The following EXD2 variants were observed in gnomAD, a reference collection of about 807,000 sequenced individuals.
The protein encoded by EXD2 is exonuclease 3'-5' domain-containing protein 2.
EXD2 carries 40 observed loss-of-function variants against 62.5 expected under a neutral mutation model. The ratio of observed to expected loss-of-function variants is 0.64; its 90% CI spans 0.50 to 0.83. The LOEUF is 0.83. Among genes scored for constraint, EXD2 ranks in the 40% least tolerant of loss-of-function variants. The pLI is 0.00. For missense variants in EXD2, 671 were observed against 761.8 expected (o/e 0.88, Z 1.40); for synonymous variants, 239 against 291.9 (o/e 0.82, Z 1.85).
chr14:69,201,242 G>A (rs1236271264), intron 1 of EXD2, among the ~76,000 whole-genome samples: 2 of 151,664 alleles, frequency 1.3e-5, no homozygotes, highest in Non-Finnish European at 2.9e-5. Flanking sequence ...AGGCTGGAGT[G>A]CAGTGTTATG....
In EXD2 at chr14:69,209,748, C is replaced by T; in HGVS notation, c.278C>T (p.Pro93Leu). Residue 93 changes from proline to leucine, a missense_variant, in exon 3 of 10, where the codon CCC becomes CTC. Pro to Leu is a moderately conservative substitution (Grantham distance 98, BLOSUM62 -3). Coordinates refer to ENST00000685843, the MANE Select transcript of EXD2 (RefSeq NM_001193360.2). ...GAGGCAGAGTGGGATCAAATCGAGC[C>T]CTTGCTTAGAAGTGAATTAGAAGAT... is the stretch of plus-strand genomic sequence containing the variant. ...SQEAEWDQIE[P>L]LLRSELEDFP... is the part of the protein sequence containing the mutation. 6.5e-7 allele frequency: 1 copy of T among 1,546,902 alleles called. No individual in the cohort carries two copies. Among genetic ancestry groups the T allele is most frequent in the Non-Finnish European group, 8.7e-7 (1 of 1,145,660 alleles).
Position 69,237,665 on chromosome 14 carries a change from C to G in EXD2, c.1383C>G (p.Ser461=). ...ACGATGTGCTGCTGCTCTGCACCTC[C>G]TGCCATGCCATTTCCAACTACTATG... ...NSHDVLLLCT[S]CHAISNYYDN... The change falls in exon 9 of 10, where the codon TCC becomes TCG. Residue 461 remains serine, a synonymous_variant. Coordinates refer to ENST00000685843, the MANE Select transcript of EXD2 (RefSeq NM_001193360.2). 1.2e-6 allele frequency: 2 copies of G among 1,614,242 alleles called. No individual in the cohort carries two copies. Among genetic ancestry groups the G allele is most frequent in the Non-Finnish European group, 1.7e-6 (2 of 1,180,036 alleles).
chr14:69,227,238 T>C (rs976485118), intron 3 of EXD2, among the ~76,000 whole-genome samples: 7 of 152,274 alleles, frequency 4.6e-5, no homozygotes, highest in African/African-American at 1.7e-4. Context: ...TTTCCAGATA[T>C]TGCCAAATGT....
At chr14:69,239,371 T>C (rs1241589253) in intron 9 of EXD2, among the ~76,000 whole-genome samples, 2 of 152,208 alleles carry the variant, frequency 1.3e-5, no homozygotes, top group Non-Finnish European at 2.9e-5. Context: ...GTGATGCTGG[T>C]TTTTGTTAAC....
intron 3 of EXD2, among the ~76,000 whole-genome samples, chr14:69,227,581 C>T (rs2043404446): frequency 6.6e-6 from 1 of 152,180 alleles, no homozygotes; most frequent in Non-Finnish European, 1.5e-5. Context: ...GGCGCAGTGG[C>T]TCATGCCTGT....
chr14:69,231,254 C>CTTCTTCTCCTCA (rs1486439285), intron 5 of EXD2, among the ~76,000 whole-genome samples: 1 of 152,136 alleles, frequency 6.6e-6, no homozygotes, highest in Admixed American at 6.5e-5. Flanking sequence ...ATCCTTCTTC[C>CTTCTTCTCCTCA]TTCTTCTCCT....
chr14:69,209,688 G>C lies in EXD2; in HGVS notation c.218G>C (p.Arg73Pro), dbSNP rs750579457. 6.4e-7 allele frequency: 1 copy of C among 1,550,562 alleles called. No homozygotes were observed. The highest frequency in any genetic ancestry group is 1.2e-5 in the South Asian group (1 of 84,058). The stretch of plus-strand genomic sequence containing the variant: ...GCCCCCAGATCCTCGTGGAAGGAAC[G>C]GATCCTTAAAGCAAAGGTGGTGACG... ...SSAPRSSWKE[R>P]ILKAKVVTVS... Residue 73 changes from arginine to proline, a missense_variant, in exon 3 of 10, where the codon CGG (arginine) becomes CCG (proline). Coordinates refer to ENST00000685843, the MANE Select transcript of EXD2 (RefSeq NM_001193360.2).
chr14:69,229,733 A>G (rs1594773460), intron 4 of EXD2, among the ~76,000 whole-genome samples: 1 of 152,040 alleles, frequency 6.6e-6, no homozygotes, highest in Non-Finnish European at 1.5e-5. Context: ...AGTCGTAATT[A>G]CCTCCTCATG....
chr14:69,215,077 C>T (rs1394202694), intron 3 of EXD2, among the ~76,000 whole-genome samples: 1 of 152,044 alleles, frequency 6.6e-6, no homozygotes, highest in Non-Finnish European at 1.5e-5. Context: ...AACCTGAGGT[C>T]AGGAGTTCAA....
At chr14:69,213,098 T>C (rs2042870607) in intron 3 of EXD2, among the ~76,000 whole-genome samples, 1 of 150,394 alleles carries the variant, frequency 6.6e-6, no homozygotes, top group African/African-American at 2.4e-5. Flanking sequence ...TTTTTTTTTT[T>C]TTGTAGATGG....
intron 1 of EXD2, among the ~76,000 whole-genome samples, chr14:69,199,528 G>T (rs911238167): frequency 6.6e-6 from 1 of 151,986 alleles, no homozygotes; most frequent in South Asian, 2.1e-4. Context: ...ATAACACTCA[G>T]CTTAAGACAC....
chr14:69,227,701 G>A (rs1044956581), intron 3 of EXD2, among the ~76,000 whole-genome samples: 7 of 151,966 alleles, frequency 4.6e-5, no homozygotes, highest in African/African-American at 1.7e-4. Context: ...AAAATTAGCT[G>A]GGCGTGCCTG....
chr14:69,233,740 C>G (rs1039537393), intron 5 of EXD2, among the ~76,000 whole-genome samples: 1 of 149,690 alleles, frequency 6.7e-6, no homozygotes, highest in African/African-American at 2.5e-5. Flanking sequence ...CACACCCAGC[C>G]GAATTTTAGT....
chr14:69,214,355 T>G (rs946008262), intron 3 of EXD2, among the ~76,000 whole-genome samples: 3 of 152,212 alleles, frequency 2.0e-5, no homozygotes, highest in Non-Finnish European at 4.4e-5. Flanking sequence ...TCTTTATCCT[T>G]TCTTCTTTCT....
At chr14:69,209,347 C>A in intron 2 of EXD2, 77 bp from the exon 3 acceptor site, 1 of 716,546 alleles carries the variant, frequency 1.4e-6, no homozygotes. Context: ...ATAAATGGGG[C>A]ATTTTTTAGA....
chr14:69,238,606 T>G (rs1369775331), intron 9 of EXD2, among the ~76,000 whole-genome samples: 2 of 151,996 alleles, frequency 1.3e-5, no homozygotes, highest in Non-Finnish European at 2.9e-5. Context: ...ATAGTTTTTT[T>G]TTTTTTTTTT....
chr14:69,243,209 C>T lies in EXD2; in HGVS notation c.*2109C>T, dbSNP rs571965644. The T allele has an allele frequency of 2.6e-5, 4 of 152,188 alleles. No individual in the cohort carries two copies. The highest frequency in any genetic ancestry group is 4.4e-5 in the Non-Finnish European group (3 of 68,016). 9.4% of individuals were successfully genotyped at this position (152,188 alleles called of 1,614,324 possible). A position where few individuals can be genotyped will look rare whatever the true frequency, so the allele number is the denominator to read the frequency against. The stretch of plus-strand genomic sequence containing the variant: ...GGCTTTTCCTAAGACTGACAATTGT[C>T]GTCTTAAATCAGAGATTTGAGGGTA... On this transcript the variant is annotated 3_prime_UTR_variant, in exon 10 of 10. Transcript: ENST00000685843.
intron 6 of EXD2, 139 bp downstream of exon 6, chr14:69,235,170 C>T: frequency 1.5e-6 from 1 of 678,732 alleles, no homozygotes; most frequent in South Asian, 2.7e-5. Context: ...CTTTTTCTTT[C>T]CATCAGAGAC....
intron 1 of EXD2, among the ~76,000 whole-genome samples, chr14:69,199,013 GC>G (rs1289823976): frequency 2.0e-5 from 3 of 152,268 alleles, no homozygotes; most frequent in African/African-American, 7.2e-5. Context: ...GGAGGCTGAG[GC>G]GGGCAGATCA....
Sources: allele counts gnomAD v4.1 joint callset (sites outside exome capture counted in the v4.1 genomes callset), GRCh38; gene constraint gnomAD v4.1.1; transcripts MANE v1.5; gene names NCBI Gene and HGNC (gene_info 2026-07-23, HGNC 2026-07-21).